The following KIF16B variants were observed in gnomAD, a reference collection of about 807,000 sequenced individuals.
KIF16B encodes the protein kinesin-like protein KIF16B.
KIF16B carries 98 observed loss-of-function variants against 156.3 expected under a neutral mutation model. The observed-to-expected ratio is 0.63, with a 90% CI of 0.53 to 0.74. KIF16B has a LOEUF of 0.74. Ranked by LOEUF, KIF16B falls within the 30% of genes least tolerant of loss-of-function variation. The probability of loss-of-function intolerance (pLI) is 0.00; values close to 1 mark genes in which losing one functional copy is unlikely to be tolerated. For missense variants in KIF16B, 1,421 were observed against 1,606.5 expected (o/e 0.88, Z 1.97); for synonymous variants, 564 against 583.7 (o/e 0.97, Z 0.49).
At chr20:16,273,661 C>CTCAA (rs35085462) in intron 25 of KIF16B, among the ~76,000 whole-genome samples, 12,933 of 149,342 alleles carry the variant, frequency 0.087, 604 homozygotes, top group South Asian at 0.14. Context: ...AAGACCCTGT[C>CTCAA]TCAATCAATC....
At chr20:16,391,465 T>A (rs1202604205) in intron 17 of KIF16B, among the ~76,000 whole-genome samples, 1 of 152,042 alleles carries the variant, frequency 6.6e-6, no homozygotes, top group African/African-American at 2.4e-5. Context: ...TCTATACCAG[T>A]GTGGGGTTGA....
chr20:16,497,486 A>G lies in KIF16B; in HGVS notation c.1242+127T>C. The G allele has an allele frequency of 7.1e-6, 5 of 705,046 alleles. No homozygotes were observed. The South Asian group carries it at 8.2e-5, about 12-fold the overall frequency. The allele number at this position is 705,046 out of a possible 1,614,324, so 43.7% of individuals were successfully genotyped here. A position where few individuals can be genotyped will look rare whatever the true frequency, so the allele number is the denominator to read the frequency against. On this transcript the variant is annotated intron_variant, in intron 11 of 25. Transcript: ENST00000354981. ...TCGTGCTTCTTCAAAAATGATCACC[A>G]ACGAGGGAGGAGGCTAAGTGCAATA...
chr20:16,488,365 C>G (rs2146893556), intron 12 of KIF16B, among the ~76,000 whole-genome samples: 1 of 152,258 alleles, frequency 6.6e-6, no homozygotes, highest in East Asian at 1.9e-4. Flanking sequence ...GCACAGAGCT[C>G]AAGGAGTTAT....
intron 1 of KIF16B, among the ~76,000 whole-genome samples, chr20:16,535,518 A>G (rs1568657052): frequency 6.6e-6 from 1 of 152,214 alleles, no homozygotes; most frequent in African/African-American, 2.4e-5. Context: ...TAGGGCTTAC[A>G]GTATTATCTT....
chr20:16,309,032 T>C (rs2122680556), intron 25 of KIF16B, among the ~76,000 whole-genome samples: 1 of 152,368 alleles, frequency 6.6e-6, no homozygotes, highest in Admixed American at 6.5e-5. Context: ...GGGCAGAGTC[T>C]GCCCACAACA....
At chr20:16,279,149 C>A (rs553894683) in intron 25 of KIF16B, among the ~76,000 whole-genome samples, 30 of 152,150 alleles carry the variant, frequency 2.0e-4, no homozygotes, top group Non-Finnish European at 4.1e-4. Context: ...GCCCAATCCC[C>A]TTCTGAAGAA....
Position 16,545,642 on chromosome 20 carries a change from G to A in KIF16B, c.48-17202C>T, listed in dbSNP as rs537279179. Among the ~76,000 whole-genome samples the A allele has an allele frequency of 2.0e-5, 3 of 152,316 alleles. No homozygotes were observed. The East Asian group carries it at 5.8e-4, about 29-fold the overall frequency. On this transcript the variant is annotated intron_variant, in intron 1 of 25. Transcript: ENST00000354981. Reference sequence around the variant, plus strand: ...ATCGCACCACTGCACTCCAGCCTGGGTGACAGAGTGAGACTCTGTCTCAAA... The same window carrying A: ...ATCGCACCACTGCACTCCAGCCTGGATGACAGAGTGAGACTCTGTCTCAAA...
chr20:16,366,088 G>C (rs1218748022), intron 22 of KIF16B, among the ~76,000 whole-genome samples: 1 of 152,120 alleles, frequency 6.6e-6, no homozygotes, highest in Non-Finnish European at 1.5e-5. Flanking sequence ...GGACAGAGAG[G>C]AAAGGGTTGA....
chr20:16,552,793 TTTTAA>T (rs1034327195), intron 1 of KIF16B, among the ~76,000 whole-genome samples: 53 of 152,202 alleles, frequency 3.5e-4, no homozygotes, highest in African/African-American at 1.2e-3. Context: ...TAACTTTCTA[TTTTAA>T]TTTATTATTT....
intron 19 of KIF16B, among the ~76,000 whole-genome samples, chr20:16,376,156 T>C (rs2064945863): frequency 1.3e-5 from 2 of 152,228 alleles, no homozygotes; most frequent in Non-Finnish European, 2.9e-5. Flanking sequence ...GTTTTCATCA[T>C]GACTATTATC....
chr20:16,391,104 G>A (rs2065353774), intron 17 of KIF16B, among the ~76,000 whole-genome samples: 1 of 152,142 alleles, frequency 6.6e-6, no homozygotes, highest in Non-Finnish European at 1.5e-5. Flanking sequence ...GGTGGGGGAA[G>A]ATCCAGTGGA....
At chr20:16,403,825 C>T (rs918480806) in intron 17 of KIF16B, among the ~76,000 whole-genome samples, 13 of 152,100 alleles carry the variant, frequency 8.5e-5, no homozygotes, top group African/African-American at 3.1e-4. Flanking sequence ...TTTCAGCACA[C>T]AGCTTGATGT....
At chr20:16,515,010 T>C (rs2069099166) in intron 4 of KIF16B, among the ~76,000 whole-genome samples, 1 of 151,808 alleles carries the variant, frequency 6.6e-6, no homozygotes, top group South Asian at 2.1e-4. Flanking sequence ...TTGGGGCAAG[T>C]ATAACATTAA....
intron 12 of KIF16B, among the ~76,000 whole-genome samples, chr20:16,470,519 C>T (rs753881740): frequency 3.3e-4 from 50 of 152,034 alleles, no homozygotes; most frequent in Non-Finnish European, 5.4e-4. Flanking sequence ...GGTCTCACTC[C>T]ATCACCCAGG....
At chr20:16,295,649 T>C (rs1378365555) in intron 25 of KIF16B, among the ~76,000 whole-genome samples, 1 of 152,090 alleles carries the variant, frequency 6.6e-6, no homozygotes, top group African/African-American at 2.4e-5. Flanking sequence ...GTATTTAAAA[T>C]AATTCAATTA....
At chr20:16,283,770 T>C (rs558268844) in intron 25 of KIF16B, among the ~76,000 whole-genome samples, 2 of 152,198 alleles carry the variant, frequency 1.3e-5, no homozygotes, top group South Asian at 2.1e-4. Context: ...TATGGTCTCA[T>C]GGGTTGAAAC....
At chr20:16,450,267 T>C (rs1001257485) in intron 12 of KIF16B, among the ~76,000 whole-genome samples, 1 of 152,166 alleles carries the variant, frequency 6.6e-6, no homozygotes, top group Non-Finnish European at 1.5e-5. Context: ...CGCCTCAGTA[T>C]TGGTGTTTAT....
intron 12 of KIF16B, among the ~76,000 whole-genome samples, chr20:16,491,427 G>A (rs755545383): frequency 2.0e-5 from 3 of 152,130 alleles, no homozygotes; most frequent in Non-Finnish European, 4.4e-5. Context: ...GAGACATAGA[G>A]TACAGTACAG....
intron 17 of KIF16B, chr20:16,382,159 A>AAG (rs753805226): frequency 3.1e-5 from 40 of 1,287,280 alleles, no homozygotes; most frequent in Middle Eastern, 2.2e-4. Context: ...GAGAGAGAGA[A>AAG]AGAGAGAGAG....
Sources: allele counts gnomAD v4.1 joint callset (sites outside exome capture counted in the v4.1 genomes callset), GRCh38; gene constraint gnomAD v4.1.1; transcripts MANE v1.5; gene names NCBI Gene and HGNC (gene_info 2026-07-23, HGNC 2026-07-21).